STX5: variants seen among roughly 807,000 people sequenced by gnomAD.
The protein encoded by STX5 is syntaxin-5.
Under a neutral mutation model 42.9 loss-of-function variants are expected in STX5, and 15 were observed. The ratio of observed to expected loss-of-function variants is 0.35; its 90% CI spans 0.23 to 0.54. The LOEUF (loss-of-function observed/expected upper bound fraction) is 0.54. Ranked by LOEUF, STX5 falls within the 20% of genes least tolerant of loss-of-function variation. The probability of loss-of-function intolerance (pLI) is 0.91; values close to 1 mark genes in which losing one functional copy is unlikely to be tolerated. For synonymous variants in STX5, 184 were observed against 173.2 expected (o/e 1.06, Z -0.49); for missense variants, 430 against 455.0 (o/e 0.95, Z 0.50).
At chr11:62,820,990 A>G (rs558102607) in intron 10 of STX5, among the ~76,000 whole-genome samples, 1 of 152,188 alleles carries the variant, frequency 6.6e-6, no homozygotes, top group African/African-American at 2.4e-5. Flanking sequence ...ACACCTTATT[A>G]ACTTTTCACA....
intron 1 of STX5, among the ~76,000 whole-genome samples, chr11:62,831,640 C>CT (rs1327415341): frequency 6.6e-6 from 1 of 152,150 alleles, no homozygotes; most frequent in East Asian, 1.9e-4. Context: ...GGGCCAGTGA[C>CT]GGACCTCCAA....
chr11:62,811,584 T>G (rs150565531), intron 10 of STX5, among the ~76,000 whole-genome samples: 1 of 152,274 alleles, frequency 6.6e-6, no homozygotes, highest in East Asian at 1.9e-4. Context: ...CCTCCAAGTC[T>G]TAGCTTGGTA....
intron 10 of STX5, among the ~76,000 whole-genome samples, chr11:62,813,623 A>T (rs1026926965): frequency 6.6e-5 from 10 of 152,210 alleles, no homozygotes; most frequent in African/African-American, 2.4e-4. Flanking sequence ...TCAACAACGT[A>T]GAGTAAAAGC....
chr11:62,819,220 G>GAAAAA (rs57390432), intron 10 of STX5, among the ~76,000 whole-genome samples: 12 of 29,642 alleles, frequency 4.0e-4, no homozygotes, highest in Non-Finnish European at 5.9e-4. Context: ...GACTCTGTCT[G>GAAAAA]AAAAAAAAAA....
At chr11:62,812,712 C>T (rs561848224) in intron 10 of STX5, among the ~76,000 whole-genome samples, 5 of 152,054 alleles carry the variant, frequency 3.3e-5, no homozygotes, top group South Asian at 4.2e-4. Context: ...TGAGCCACCA[C>T]GCCCAGACTT....
intron 10 of STX5, among the ~76,000 whole-genome samples, chr11:62,823,140 T>C (rs1402861644): frequency 6.6e-6 from 1 of 152,078 alleles, no homozygotes; most frequent in African/African-American, 2.4e-5. Flanking sequence ...CAGAGCAGCA[T>C]TCCCTACCAC....
intron 5 of STX5, among the ~76,000 whole-genome samples, chr11:62,826,082 A>G (rs1341728417): frequency 2.6e-5 from 4 of 152,122 alleles, no homozygotes; most frequent in Non-Finnish European, 4.4e-5. Context: ...GTGAAATGCC[A>G]TCTCTACTAA....
intron 10 of STX5, among the ~76,000 whole-genome samples, chr11:62,811,918 C>G (rs534740554): frequency 6.6e-6 from 1 of 152,270 alleles, no homozygotes; most frequent in South Asian, 2.1e-4. Flanking sequence ...GATTAGCTCA[C>G]AGCAGCAACA....
chr11:62,808,173 C>T (rs1460052770), intron 10 of STX5: 1 of 155,256 alleles, frequency 6.4e-6, no homozygotes, highest in Non-Finnish European at 1.4e-5. Context: ...GGCCAGTAAT[C>T]CCAGCACTTT....
chr11:62,810,881 C>T (rs538692068), intron 10 of STX5, among the ~76,000 whole-genome samples: 72 of 152,288 alleles, frequency 4.7e-4, no homozygotes, highest in Non-Finnish European at 5.9e-5. Flanking sequence ...TTTTATGCTC[C>T]AACATACTGT....
intron 10 of STX5, chr11:62,808,120 A>G (rs2850595): frequency 0.16 from 24,435 of 156,092 alleles, 3,756 homozygotes; most frequent in African/African-American, 0.4. Context: ...CGGACAGGAA[A>G]TCAGGGGATA....
At chr11:62,818,374 T>C (rs937039492) in intron 10 of STX5, among the ~76,000 whole-genome samples, 1 of 149,478 alleles carries the variant, frequency 6.7e-6, no homozygotes, top group Non-Finnish European at 1.5e-5. Context: ...CTGGCCAACA[T>C]AGTGAAACCC....
rs200347470 is a variant in STX5, at chr11:62,831,093, G to C, written c.151C>G (p.Pro51Ala). ...TCCCGGCAGGACATGGTGTCGGGAG[G>C]GGGAGGGACGAGGGTCACTGGGGGG... ...LPPPVTLVPP[P>A]PDTMSCRDRT... Residue 51 changes from proline (P) to alanine (A), a missense_variant, in exon 2 of 11, where the codon CCT becomes GCT. Coordinates refer to ENST00000294179, the MANE Select transcript of STX5 (RefSeq NM_003164.5). The C allele has an allele frequency of 1.3e-6, 2 of 1,555,968 alleles. No individual in the cohort carries two copies. The highest frequency in any genetic ancestry group is 1.7e-6 in the Non-Finnish European group (2 of 1,150,172).
chr11:62,825,617 G>A, intron 5 of STX5, 78 bp from the exon 6 acceptor site: 2 of 1,292,290 alleles, frequency 1.5e-6, no homozygotes, highest in Non-Finnish European at 2.2e-6. Context: ...GGCCATCTCT[G>A]GTAGGAAGGA....
chr11:62,810,797 C>G (rs1211094587), intron 10 of STX5, among the ~76,000 whole-genome samples: 14 of 152,204 alleles, frequency 9.2e-5, no homozygotes, highest in Admixed American at 7.8e-4. Context: ...AATGTCTACA[C>G]CTATTTTAAA....
Position 62,818,697 on chromosome 11 carries a change from A to G in STX5, c.908+5469T>C, listed in dbSNP as rs1469438569. Among the ~76,000 whole-genome samples the G allele has an allele frequency of 6.0e-5, 9 of 151,234 alleles. 1 individual carries two copies. The highest frequency in any genetic ancestry group is 1.3e-4 in the Non-Finnish European group (9 of 67,740). On this transcript the variant is annotated intron_variant, in intron 10 of 10. Coordinates refer to ENST00000294179, the MANE Select transcript of STX5 (RefSeq NM_003164.5). ...GAGATCCCCGTCTCTACCAAAAAAA[A>G]AAAAAAAGAAAAAAAATCAGCCTGG... is the stretch of plus-strand genomic sequence containing the variant.
At chr11:62,813,183 A>C (rs929325044) in intron 10 of STX5, among the ~76,000 whole-genome samples, 2 of 151,732 alleles carry the variant, frequency 1.3e-5, no homozygotes, top group Non-Finnish European at 2.9e-5. Context: ...CTGAGGCAGG[A>C]GAATCACTTG....
intron 10 of STX5, among the ~76,000 whole-genome samples, chr11:62,815,076 C>T (rs573768541): frequency 6.6e-6 from 1 of 151,072 alleles, no homozygotes; most frequent in African/African-American, 2.4e-5. Flanking sequence ...GGTACGATCT[C>T]GGCTCACTGA....
chr11:62,811,098 A>C (rs1430486982), intron 10 of STX5, among the ~76,000 whole-genome samples: 1 of 151,836 alleles, frequency 6.6e-6, no homozygotes, highest in East Asian at 1.9e-4. Flanking sequence ...CTTCCTCCTC[A>C]GTCTGGCCAG....
Sources: gnomAD v4.1 joint callset for allele counts (sites outside exome capture counted in the v4.1 genomes callset) on GRCh38, gnomAD v4.1.1 for gene constraint, MANE v1.5 for transcripts, NCBI Gene and HGNC (gene_info 2026-07-23, HGNC 2026-07-21) for gene names.